Variants in MAGI1 observed in about 807,000 individuals in gnomAD.
MAGI1 encodes membrane-associated guanylate kinase, WW and PDZ domain-containing protein 1.
MAGI1 carries 58 observed loss-of-function variants against 139.9 expected under a neutral mutation model. The observed-to-expected ratio is 0.41, with a 90% CI of 0.34 to 0.52. The LOEUF is 0.52. MAGI1 is among the 20% of genes least tolerant of loss of function. MAGI1 has a pLI of 0.12. For synonymous variants in MAGI1, 812 were observed against 737.9 expected (o/e 1.10, Z -1.63); for missense variants, 1,874 against 1,901.6 (o/e 0.99, Z 0.27).
At chr3:65,969,880 C>T (rs2064941711) in intron 1 of MAGI1, among the ~76,000 whole-genome samples, 1 of 152,216 alleles carries the variant, frequency 6.6e-6, no homozygotes, top group South Asian at 2.1e-4. Flanking sequence ...GACCACCTAA[C>T]AGCACAGCTC....
rs539364794 is a variant in MAGI1, at chr3:65,926,863, T to G, written c.313+111133A>C. 2.0e-5 allele frequency among the ~76,000 whole-genome samples: 3 copies of G among 152,202 alleles called. No homozygotes were observed. The East Asian group carries it at 5.8e-4, about 30-fold the overall frequency. On this transcript the variant is annotated intron_variant, in intron 1 of 22. Transcript: ENST00000402939. Reference sequence around the variant, plus strand: ...GTACAAAATTTGCTGGGCGCGGTGGTGCACACCTGTAACCCCAGCTACTCA... The same window carrying G: ...GTACAAAATTTGCTGGGCGCGGTGGGGCACACCTGTAACCCCAGCTACTCA...
At chr3:65,832,344 A>G (rs2042574659) in intron 1 of MAGI1, among the ~76,000 whole-genome samples, 2 of 152,360 alleles carry the variant, frequency 1.3e-5, no homozygotes, top group African/African-American at 2.4e-5. Flanking sequence ...CTTCAAAACA[A>G]TAAAGACTTC....
intron 1 of MAGI1, among the ~76,000 whole-genome samples, chr3:65,647,103 T>C (rs1300061288): frequency 6.6e-6 from 1 of 151,848 alleles, no homozygotes; most frequent in East Asian, 1.9e-4. Context: ...GACCAAACAA[T>C]TGATAAACTT....
chr3:65,360,685 G>A, intron 22 of MAGI1: 1 of 987,132 alleles, frequency 1.0e-6, no homozygotes, highest in Non-Finnish European at 1.2e-6. Context: ...GACACCAGTT[G>A]GGGGATGGAG....
At chr3:65,541,064 A>C (rs1391987302) in intron 2 of MAGI1, among the ~76,000 whole-genome samples, 1 of 152,194 alleles carries the variant, frequency 6.6e-6, no homozygotes. Context: ...ATCCTAAAGA[A>C]AAAAACTGAA....
At chr3:65,734,527 G>GAA (rs1306587559) in intron 1 of MAGI1, among the ~76,000 whole-genome samples, 4 of 143,202 alleles carry the variant, frequency 2.8e-5, no homozygotes, top group Non-Finnish European at 5.9e-5. Context: ...AAGAGAGAAA[G>GAA]AGAGAGGGGG....
At chr3:65,783,042 T>A (rs1403561414) in intron 1 of MAGI1, among the ~76,000 whole-genome samples, 1 of 150,600 alleles carries the variant, frequency 6.6e-6, no homozygotes, top group Non-Finnish European at 1.5e-5. Flanking sequence ...TTGGATGACA[T>A]CAAAATGAAA....
At chr3:65,967,126 C>A (rs112952218) in intron 1 of MAGI1, among the ~76,000 whole-genome samples, 2 of 152,214 alleles carry the variant, frequency 1.3e-5, no homozygotes, top group African/African-American at 4.8e-5. Context: ...GCACATATTC[C>A]TAACTACCCA....
intron 1 of MAGI1, among the ~76,000 whole-genome samples, chr3:65,682,920 G>C (rs886859350): frequency 6.6e-6 from 1 of 152,110 alleles, no homozygotes; most frequent in Non-Finnish European, 1.5e-5. Flanking sequence ...AACGGATGGG[G>C]ACGGGGAAGG....
intron 21 of MAGI1, 65 bp from the exon 22 acceptor site, chr3:65,361,402 T>G: frequency 6.5e-7 from 1 of 1,543,666 alleles, no homozygotes; most frequent in Non-Finnish European, 8.9e-7. Context: ...AAATGTTTAT[T>G]AAGCACGTGG....
intron 2 of MAGI1, among the ~76,000 whole-genome samples, chr3:65,616,744 G>A (rs896802034): frequency 7.2e-5 from 11 of 152,218 alleles, no homozygotes; most frequent in Non-Finnish European, 1.6e-4. Context: ...TCAAGTTCAT[G>A]AGTTATGACC....
chr3:65,513,569 A>C (rs201319842), intron 2 of MAGI1, among the ~76,000 whole-genome samples: 8,788 of 51,822 alleles, frequency 0.17, 545 homozygotes, highest in East Asian at 0.48. Flanking sequence ...TGCTTCAAAG[A>C]GAATAAAATA....
intron 1 of MAGI1, among the ~76,000 whole-genome samples, chr3:65,780,039 G>A (rs577694749): frequency 7.0e-6 from 1 of 143,098 alleles, no homozygotes; most frequent in Admixed American, 6.9e-5. Context: ...GGAAGGGCAG[G>A]GGGGACATCA....
chr3:65,375,919 T>G lies in MAGI1; in HGVS notation c.3022A>C (p.Lys1008Gln). Residue 1008 changes from lysine to glutamine, a missense_variant, in exon 18 of 23, where the codon AAA (lysine) becomes CAA (glutamine). By Grantham distance (53) the Lys-to-Gln change is moderately conservative. Around this residue, in one of 5 missense-constraint regions of MAGI1, gnomAD observed 653 missense variants for 644.5 expected, o/e 1.01. Coordinates refer to ENST00000402939, the MANE Select transcript of MAGI1 (RefSeq NM_001033057.2). Reference sequence around the variant, plus strand: ...CTCCCCTCAATAATCCGACCTATTTTGTGAGGCATAGCCACACATGCATTG... The same window carrying G: ...CTCCCCTCAATAATCCGACCTATTTGGTGAGGCATAGCCACACATGCATTG... ...FGNACVAMPH[K>Q]IGRIIEGSPA... is the part of the protein sequence containing the mutation. 6.2e-7 allele frequency: 1 copy of G among 1,614,102 alleles called. No homozygotes were observed. Among genetic ancestry groups the G allele is most frequent in the Non-Finnish European group, 8.5e-7 (1 of 1,179,956 alleles).
At chr3:65,920,191 A>AT (rs1272117395) in intron 1 of MAGI1, among the ~76,000 whole-genome samples, 1 of 152,122 alleles carries the variant, frequency 6.6e-6, no homozygotes, top group Non-Finnish European at 1.5e-5. Flanking sequence ...TCATTTACAC[A>AT]TATTAGCCAT....
At chr3:65,543,589 A>G (rs537367603) in intron 2 of MAGI1, among the ~76,000 whole-genome samples, 78 of 152,364 alleles carry the variant, frequency 5.1e-4, no homozygotes, top group Non-Finnish European at 1.0e-3. Context: ...GGATGAGTTC[A>G]TGTCCTTTGC....
intron 1 of MAGI1, among the ~76,000 whole-genome samples, chr3:66,015,649 T>C (rs1469538612): frequency 4.6e-5 from 7 of 152,192 alleles, no homozygotes; most frequent in Non-Finnish European, 1.0e-4. Flanking sequence ...AAAATAACAA[T>C]TAGATGATAT....
At chr3:65,422,734 A>ATGG (rs1221682958) in intron 12 of MAGI1, among the ~76,000 whole-genome samples, 1 of 152,000 alleles carries the variant, frequency 6.6e-6, no homozygotes, top group African/African-American at 2.4e-5. Flanking sequence ...TTTATGAGGA[A>ATGG]TGGTCACGGC....
intron 5 of MAGI1, among the ~76,000 whole-genome samples, chr3:65,461,216 TTTA>T (rs1485025613): frequency 1.3e-5 from 2 of 152,060 alleles, no homozygotes; most frequent in Non-Finnish European, 2.9e-5. Context: ...TTTTTATTTA[TTTA>T]TTTATTTATT....
Sources: gnomAD v4.1 joint callset for allele counts (sites outside exome capture counted in the v4.1 genomes callset) on GRCh38, gnomAD v4.1.1 for gene constraint, gnomAD v4.1.1 regional missense constraint, MANE v1.5 for transcripts, NCBI Gene and HGNC (gene_info 2026-07-23, HGNC 2026-07-21) for gene names.